The following ARID2 variants were observed in gnomAD, a reference collection of about 807,000 sequenced individuals.
The protein encoded by ARID2 is AT-rich interaction domain 2, also known as AT-rich interactive domain-containing protein 2.
A neutral mutation model predicts 184.6 loss-of-function variants in ARID2; 32 were observed. The ratio of observed to expected loss-of-function variants is 0.17; its 90% CI spans 0.13 to 0.23. ARID2 has a LOEUF of 0.23. Ranked by LOEUF, ARID2 falls within the 10% of genes least tolerant of loss-of-function variation. ARID2 has a pLI of 1.00. For synonymous variants in ARID2, 836 were observed against 772.6 expected, an observed-to-expected ratio of 1.08 and a Z score of -1.36; for missense variants, 1,696 against 2,197.6, an observed-to-expected ratio of 0.77 and a Z score of 4.56.
At chr12:45,855,947 T>C (rs527843263) in intron 15 of ARID2, among the ~76,000 whole-genome samples, 48 of 152,156 alleles carry the variant, frequency 3.2e-4, no homozygotes, top group African/African-American at 1.1e-3. Flanking sequence ...AGGCTGGTCT[T>C]AAACTCCTAG....
At position 45,839,534 on chromosome 12, in the gene ARID2, G is replaced by A. The variant is rs374613116; in HGVS notation, c.1498+38G>A. ...ACATATTCTTTTTCAGTGTGGTTAC[G>A]AGTGTATAAGATTTGATCCTAAGAA... On this transcript the variant is annotated intron_variant, in intron 11 of 20. Transcript: ENST00000334344. The A allele has an allele frequency of 5.5e-4, 873 of 1,574,400 alleles. 1 individual carries two copies. Among genetic ancestry groups the A allele is most frequent in the Non-Finnish European group, 7.0e-4 (809 of 1,162,218 alleles).
chr12:45,892,529 A>T (rs1221577659), intron 18 of ARID2, among the ~76,000 whole-genome samples: 1 of 152,186 alleles, frequency 6.6e-6, no homozygotes, highest in Non-Finnish European at 1.5e-5. Context: ...TTTACAGTTT[A>T]AAGATTGTTT....
At chr12:45,746,720 A>G (rs941649473) in intron 3 of ARID2, among the ~76,000 whole-genome samples, 19 of 152,214 alleles carry the variant, frequency 1.2e-4, no homozygotes, top group African/African-American at 4.6e-4. Context: ...AGAAAACAGG[A>G]CAAAGGTGTT....
chr12:45,738,684 C>T (rs114858578), intron 3 of ARID2, among the ~76,000 whole-genome samples: 199 of 147,470 alleles, frequency 1.3e-3, no homozygotes, highest in African/African-American at 4.9e-3. Flanking sequence ...AAAATAACAA[C>T]TAGGAAAAAT....
intron 3 of ARID2, among the ~76,000 whole-genome samples, chr12:45,760,764 AT>A (rs1484493749): frequency 6.6e-6 from 1 of 150,976 alleles, no homozygotes; most frequent in Non-Finnish European, 1.5e-5. Flanking sequence ...TTTGGTTCAT[AT>A]TTTTTAGGTA....
At chr12:45,788,294 C>CT (rs1328363478) in intron 3 of ARID2, among the ~76,000 whole-genome samples, 3 of 152,052 alleles carry the variant, frequency 2.0e-5, no homozygotes, top group African/African-American at 7.2e-5. Context: ...ACACAGTCTT[C>CT]TTTACAACAA....
intron 3 of ARID2, among the ~76,000 whole-genome samples, chr12:45,781,323 G>A (rs1197027288): frequency 8.6e-5 from 4 of 46,550 alleles, no homozygotes; most frequent in Non-Finnish European, 1.4e-4. Flanking sequence ...AACTCACTCA[G>A]TGATTGTTGA....
intron 15 of ARID2, among the ~76,000 whole-genome samples, chr12:45,856,509 T>C (rs1943654176): frequency 6.6e-6 from 1 of 152,214 alleles, no homozygotes; most frequent in Middle Eastern, 3.2e-3. Context: ...CTTGTTATTC[T>C]ACAATTTCAA....
intron 6 of ARID2, among the ~76,000 whole-genome samples, chr12:45,825,672 G>A (rs969653316): frequency 6.6e-6 from 1 of 152,042 alleles, no homozygotes; most frequent in Non-Finnish European, 1.5e-5. Context: ...AGACTAGCCT[G>A]GGCAATATAA....
intron 3 of ARID2, among the ~76,000 whole-genome samples, chr12:45,736,581 G>C (rs570420147): frequency 6.6e-6 from 1 of 152,210 alleles, no homozygotes; most frequent in East Asian, 1.9e-4. Context: ...GATAAAAATG[G>C]ATTTTGTCTG....
intron 20 of ARID2, among the ~76,000 whole-genome samples, chr12:45,896,893 T>C (rs920169028): frequency 1.3e-5 from 2 of 152,116 alleles, no homozygotes; most frequent in Admixed American, 6.6e-5. Flanking sequence ...AGAAAAAATA[T>C]AGGAAAATAA....
chr12:45,825,870 G>GA (rs370951452), intron 6 of ARID2, among the ~76,000 whole-genome samples: 37 of 145,982 alleles, frequency 2.5e-4, no homozygotes, highest in South Asian at 1.1e-3. Flanking sequence ...TCTTTAAGGG[G>GA]AAAAAAAAAA....
chr12:45,746,921 C>G (rs1294735523), intron 3 of ARID2, among the ~76,000 whole-genome samples: 1 of 152,182 alleles, frequency 6.6e-6, no homozygotes, highest in African/African-American at 2.4e-5. Flanking sequence ...CGCTCGCCAC[C>G]ATGCCCAGCT....
intron 4 of ARID2, among the ~76,000 whole-genome samples, chr12:45,814,918 C>T (rs1440280190): frequency 1.3e-5 from 2 of 152,110 alleles, no homozygotes; most frequent in Non-Finnish European, 2.9e-5. Context: ...CATCATGCAA[C>T]TTGAAAATGA....
intron 3 of ARID2, among the ~76,000 whole-genome samples, chr12:45,776,929 C>T (rs759706051): frequency 2.0e-5 from 3 of 151,408 alleles, no homozygotes; most frequent in African/African-American, 7.3e-5. Context: ...GTTACAGGCA[C>T]ACACCACCAT....
chr12:45,812,058 A>G lies in ARID2; in HGVS notation c.418+507A>G, dbSNP rs191293504. Among the ~76,000 whole-genome samples, 25 of 152,002 alleles carry G rather than the reference A, an allele frequency of 1.6e-4. No individual in the cohort carries two copies. The East Asian group carries it at 4.8e-3, about 29-fold the overall frequency. On this transcript the variant is annotated intron_variant, in intron 4 of 20. Transcript: ENST00000334344. Reference sequence around the variant, plus strand: ...CACAGCTTGAAAAAAATCAAGTTGGAAAAAAATCAGCGCGAGTGTTGATAC... The same window carrying G: ...CACAGCTTGAAAAAAATCAAGTTGGGAAAAAATCAGCGCGAGTGTTGATAC...
chr12:45,748,504 G>A (rs1409074403), intron 3 of ARID2, among the ~76,000 whole-genome samples: 1 of 152,084 alleles, frequency 6.6e-6, no homozygotes, highest in Non-Finnish European at 1.5e-5. Context: ...TGATATTGAT[G>A]GCTGCTGACT....
chr12:45,823,412 C>T (rs1430872188), intron 6 of ARID2, among the ~76,000 whole-genome samples: 1 of 151,870 alleles, frequency 6.6e-6, no homozygotes, highest in African/African-American at 2.4e-5. Context: ...GCAAACCAAA[C>T]CAAACCCAAA....
intron 6 of ARID2, among the ~76,000 whole-genome samples, chr12:45,836,049 C>G (rs1002338318): frequency 2.0e-5 from 3 of 152,064 alleles, no homozygotes; most frequent in Admixed American, 6.5e-5. Flanking sequence ...GGTTAAAAAG[C>G]CCTAAACATA....
Sources: gnomAD v4.1 joint callset for allele counts (sites outside exome capture counted in the v4.1 genomes callset) on GRCh38, gnomAD v4.1.1 for gene constraint, MANE v1.5 for transcripts, NCBI Gene and HGNC (gene_info 2026-07-23, HGNC 2026-07-21) for gene names.